Variants in RASL11B observed in about 807,000 individuals in gnomAD.
RASL11B encodes RAS like family 11 member B.
A neutral mutation model predicts 22.9 loss-of-function variants in RASL11B; 14 were observed. That is an observed-to-expected ratio of 0.61 (90% confidence interval 0.40 to 0.96). The LOEUF (loss-of-function observed/expected upper bound fraction) is 0.96, where lower values mean the gene tolerates loss of function less well. RASL11B is among the 40% of genes least tolerant of loss of function. RASL11B has a pLI of 0.00. For missense variants in RASL11B, 261 were observed against 322.0 expected (o/e 0.81, Z 1.45); for synonymous variants, 143 against 130.2 (o/e 1.10, Z -0.67).
intron 2 of RASL11B, chr4:52,864,255 C>T (rs867074051): frequency 2.3e-6 from 1 of 439,258 alleles, no homozygotes; most frequent in South Asian, 4.2e-5. Context: ...AATAAGTTTT[C>T]AAAAACTTGC....
At position 52,862,652 on chromosome 4, in the gene RASL11B, G is replaced by A; in HGVS notation, c.142+3G>A. The A allele has an allele frequency of 6.4e-7, 1 of 1,563,304 alleles. No individual in the cohort carries two copies. The highest frequency in any genetic ancestry group is 1.2e-5 in the South Asian group (1 of 84,642). ...CGCCAGCGGCGTGGGCAAGACCGGT[G>A]AGTCGTCGCGCTTAGCCCTGGGTCT... On this transcript the variant is annotated splice_donor_region_variant and intron_variant, in intron 1 of 3. Coordinates refer to ENST00000248706, the MANE Select transcript of RASL11B (RefSeq NM_023940.3).
rs373982537 is a variant in RASL11B at position 52,865,361 on chromosome 4, T to C, written c.303T>C (p.Ser101=). The change falls in exon 4 of 4, where the codon AGT becomes AGC. Residue 101 remains serine (S), a synonymous_variant. Transcript: ENST00000248706. ...IQVHENSLSC[S]EQLNRCIRWA... is the part of the protein sequence containing the mutation. ...TCCATGAGAACAGCCTGAGCTGCAG[T>C]GAACAGCTGAATAGGTGCATTCGCT... 137 of 1,612,218 alleles carry C rather than the reference T, an allele frequency of 8.5e-5. No individual in the cohort carries two copies. Among genetic ancestry groups the C allele is most frequent in the Non-Finnish European group, 1.1e-4 (133 of 1,178,552 alleles).
In RASL11B at chr4:52,865,907, A is replaced by G; in HGVS notation, c.*102A>G. 2 of 876,882 alleles carry G rather than the reference A, an allele frequency of 2.3e-6. No individual in the cohort carries two copies. Among genetic ancestry groups the G allele is most frequent in the South Asian group, 1.7e-5 (1 of 58,792 alleles). 54.3% of individuals were successfully genotyped at this position (876,882 alleles called of 1,614,324 possible). A position where few individuals can be genotyped will look rare whatever the true frequency, so the allele number is the denominator to read the frequency against. On this transcript the variant is annotated 3_prime_UTR_variant, in exon 4 of 4. Transcript: ENST00000248706. The stretch of plus-strand genomic sequence containing the variant: ...TATTGGCAATGATTCCTGGTTCCAG[A>G]AAGGGCTGGAGCAGAAGGGCCAAGA...
intron 2 of RASL11B, 33 bp from the exon 3 acceptor site, chr4:52,864,445 G>GA (rs777359869): frequency 7.5e-7 from 1 of 1,335,596 alleles, no homozygotes; most frequent in African/African-American, 1.4e-5. Context: ...GTACAAGAAG[G>GA]AAGAACATAA....
rs1435829436 is a variant in RASL11B at position 52,865,962 on chromosome 4, GTGT to G, written c.*162_*164del. 9 of 626,312 alleles carry G rather than the reference GTGT, an allele frequency of 1.4e-5. No homozygotes were observed. Among genetic ancestry groups the G allele is most frequent in the Non-Finnish European group, 1.9e-5 (7 of 360,262 alleles). 38.8% of individuals were successfully genotyped at this position (626,312 alleles called of 1,614,324 possible). ...CTGTGGAACTGCTACAGAAAAGGAA[GTGT>G]TGTTCTGAGCAGGGGGACAGGATTG... is the stretch of plus-strand genomic sequence containing the variant. On this transcript the variant is annotated 3_prime_UTR_variant, in exon 4 of 4. Coordinates refer to ENST00000248706, the MANE Select transcript of RASL11B (RefSeq NM_023940.3).
Position 52,866,209 on chromosome 4 carries a change from TTTTTC to T in RASL11B, c.*409_*413del, listed in dbSNP as rs1192565356. On this transcript the variant is annotated 3_prime_UTR_variant, in exon 4 of 4. Coordinates refer to ENST00000248706, the MANE Select transcript of RASL11B (RefSeq NM_023940.3). ...TTGATAGGCTTTCTTTTTTCCCCCT[TTTTTC>T]TTTTTTCTCTTTTCTTCTTTCTTTT... 1 of 169,662 alleles carries T rather than the reference TTTTTC, an allele frequency of 5.9e-6. No individual in the cohort carries two copies. Among genetic ancestry groups the T allele is most frequent in the African/African-American group, 2.4e-5 (1 of 41,870 alleles). 10.5% of individuals were successfully genotyped at this position (169,662 alleles called of 1,614,324 possible).
rs941281650 is a variant in RASL11B, at chr4:52,862,427, G to A, written c.-81G>A. 6.1e-6 allele frequency: 9 copies of A among 1,469,108 alleles called. No individual in the cohort carries two copies. The South Asian group carries it at 7.7e-5, about 13-fold the overall frequency. 91.0% of individuals were successfully genotyped at this position (1,469,108 alleles called of 1,614,324 possible). A position where few individuals can be genotyped will look rare whatever the true frequency, so the allele number is the denominator to read the frequency against. ...TCTTACCGCGGAGCCCCGCAGTCGG[G>A]TCCTCCCGCCCGCTCCCGCGCAGCG... On this transcript the variant is annotated 5_prime_UTR_variant, in exon 1 of 4. Transcript: ENST00000248706.
In RASL11B at chr4:52,862,332, C is replaced by T. The variant is rs1018056760; in HGVS notation, c.-176C>T. 6.4e-6 allele frequency: 4 copies of T among 622,254 alleles called. No individual in the cohort carries two copies. The highest frequency in any genetic ancestry group is 2.0e-5 in the African/African-American group (1 of 51,050). The allele number at this position is 622,254 out of a possible 1,614,324, so 38.5% of individuals were successfully genotyped here. A position where few individuals can be genotyped will look rare whatever the true frequency, so the allele number is the denominator to read the frequency against. On this transcript the variant is annotated 5_prime_UTR_variant, in exon 1 of 4. Coordinates refer to ENST00000248706, the MANE Select transcript of RASL11B (RefSeq NM_023940.3). Reference sequence around the variant, plus strand: ...GCGCGAGTGCAGTCTGGGTCTGGAGCCTGAGCCCTGCGGAACCTCGGCGCT... The same window carrying T: ...GCGCGAGTGCAGTCTGGGTCTGGAGTCTGAGCCCTGCGGAACCTCGGCGCT...
At chr4:52,865,233 TG>T in intron 3 of RASL11B, 101 bp from the exon 4 acceptor site, 1 of 868,784 alleles carries the variant, frequency 1.2e-6, no homozygotes. Context: ...GCCCTCAACC[TG>T]GCACTACTAT....
In RASL11B at chr4:52,865,736, C is replaced by A. The variant is rs553131197; in HGVS notation, c.678C>A (p.Asn226Lys). ...TCATTCCCAGGCCCAAGTCACCCAACATGCAGGACCTGAAGAGGAGGTTTA... is the reference window on the plus strand; with the variant it reads ...TCATTCCCAGGCCCAAGTCACCCAAAATGCAGGACCTGAAGAGGAGGTTTA... Reference protein sequence around the residue: ...TSLIPRPKSPNMQDLKRRFKQ... With the variant: ...TSLIPRPKSPKMQDLKRRFKQ... Residue 226 changes from asparagine to lysine, a missense_variant, in exon 4 of 4, where the codon AAC becomes AAA. Physicochemically the swap from Asn to Lys is moderately conservative, Grantham distance 94. Transcript: ENST00000248706. 6.2e-7 allele frequency: 1 copy of A among 1,613,940 alleles called. No individual in the cohort carries two copies. The highest frequency in any genetic ancestry group is 1.3e-5 in the African/African-American group (1 of 74,916).
rs1305256266 is a variant in RASL11B at position 52,862,467 on chromosome 4, T to C, written c.-41T>C. The C allele has an allele frequency of 6.3e-7, 1 of 1,582,686 alleles. No individual in the cohort carries two copies. The highest frequency in any genetic ancestry group is 1.1e-5 in the South Asian group (1 of 88,278). On this transcript the variant is annotated 5_prime_UTR_variant, in exon 1 of 4. Coordinates refer to ENST00000248706, the MANE Select transcript of RASL11B (RefSeq NM_023940.3). Reference sequence around the variant, plus strand: ...CCCGCGCAGCGCTAGCATTCTCCAGTCCCTCAGTCCCTTCCCGCGCGGTGC... The same window carrying C: ...CCCGCGCAGCGCTAGCATTCTCCAGCCCCTCAGTCCCTTCCCGCGCGGTGC...
chr4:52,863,407 C>A, intron 2 of RASL11B, 83 bp downstream of exon 2: 1 of 1,156,180 alleles, frequency 8.6e-7, no homozygotes, highest in Non-Finnish European at 1.3e-6. Flanking sequence ...CAGGGAGGTT[C>A]TTTCAGTGAC....
Position 52,865,519 on chromosome 4 carries a change from C to T in RASL11B, c.461C>T (p.Ala154Val), listed in dbSNP as rs1217222939. 3.1e-6 allele frequency: 5 copies of T among 1,614,114 alleles called. No individual in the cohort carries two copies. The highest frequency in any genetic ancestry group is 3.4e-6 in the Non-Finnish European group (4 of 1,180,050). ...CCTGTGGTGGTCGTGGCCAACAAAGCTGACCTGTTGCACATCAAACAGGTT... is the reference window on the plus strand; with the variant it reads ...CCTGTGGTGGTCGTGGCCAACAAAGTTGACCTGTTGCACATCAAACAGGTT... ...RLPVVVVANKADLLHIKQVDP... is the reference protein window; with the variant it reads ...RLPVVVVANKVDLLHIKQVDP... The change falls in exon 4 of 4, where the codon GCT becomes GTT. Residue 154 changes from alanine to valine, a missense_variant. By Grantham distance (64) the Ala-to-Val change is moderately conservative. Coordinates refer to ENST00000248706, the MANE Select transcript of RASL11B (RefSeq NM_023940.3).
At position 52,865,526 on chromosome 4, in the gene RASL11B, G is replaced by A. The variant is rs748794721; in HGVS notation, c.468G>A (p.Leu156=). The change falls in exon 4 of 4, where the codon CTG becomes CTA. Residue 156 remains leucine (L), a synonymous_variant. Transcript: ENST00000248706. Reference sequence around the variant, plus strand: ...TGGTCGTGGCCAACAAAGCTGACCTGTTGCACATCAAACAGGTTGACCCTC... The same window carrying A: ...TGGTCGTGGCCAACAAAGCTGACCTATTGCACATCAAACAGGTTGACCCTC... The part of the protein sequence containing the change: ...PVVVVANKAD[L]LHIKQVDPQL... 9.3e-6 allele frequency: 15 copies of A among 1,614,230 alleles called. No homozygotes were observed. In the East Asian group the frequency reaches 3.3e-4, roughly 36 times the overall value.
At chr4:52,863,555 C>G (rs1426116647) in intron 2 of RASL11B, 1 of 567,994 alleles carries the variant, frequency 1.8e-6, no homozygotes, top group East Asian at 3.0e-5. Context: ...TGAAAGTATT[C>G]CCCTTGGTAT....
At chr4:52,862,765 G>A in intron 1 of RASL11B, 116 bp downstream of exon 1, 1 of 1,220,460 alleles carries the variant, frequency 8.2e-7, no homozygotes, top group East Asian at 2.8e-5. Context: ...CCGTCCCCGC[G>A]CAGGGAGCCG....
In RASL11B at chr4:52,865,396, C is replaced by T; in HGVS notation, c.338C>T (p.Ala113Val). Residue 113 changes from alanine (A) to valine (V), a missense_variant, in exon 4 of 4, where the codon GCT becomes GTT. Physicochemically the swap from Ala to Val is moderately conservative, Grantham distance 64 (BLOSUM62 0). Coordinates refer to ENST00000248706, the MANE Select transcript of RASL11B (RefSeq NM_023940.3). The stretch of plus-strand genomic sequence containing the variant: ...AATAGGTGCATTCGCTGGGCAGATG[C>T]TGTGGTGATCGTTTTCTCCATCACT... ...QLNRCIRWADAVVIVFSITDY... is the reference protein window; with the variant it reads ...QLNRCIRWADVVVIVFSITDY... The T allele has an allele frequency of 3.7e-6, 6 of 1,614,172 alleles. No homozygotes were observed. Among genetic ancestry groups the T allele is most frequent in the Non-Finnish European group, 5.1e-6 (6 of 1,180,026 alleles).
rs781033902 is a variant in RASL11B at position 52,862,670 on chromosome 4, C to CT, written c.142+22dup. 27 of 1,545,144 alleles carry CT rather than the reference C, an allele frequency of 1.7e-5. No homozygotes were observed. The East Asian group carries it at 6.1e-4, about 35-fold the overall frequency. On this transcript the variant is annotated intron_variant, in intron 1 of 3. Transcript: ENST00000248706. ...GACCGGTGAGTCGTCGCGCTTAGCC[C>CT]TGGGTCTGGTCTTGGACGACCCCTG...
In RASL11B at chr4:52,866,595, G is replaced by C. The variant is rs545214452; in HGVS notation, c.*790G>C. 61 of 152,714 alleles carry C rather than the reference G, an allele frequency of 4.0e-4. 1 individual carries two copies. Among genetic ancestry groups the C allele is most frequent in the Admixed American group, 3.3e-3 (51 of 15,300 alleles). The allele number at this position is 152,714 out of a possible 1,614,324, so 9.5% of individuals were successfully genotyped here. On this transcript the variant is annotated 3_prime_UTR_variant, in exon 4 of 4. Coordinates refer to ENST00000248706, the MANE Select transcript of RASL11B (RefSeq NM_023940.3). ...TTAACTGTTCCATCAGGAAAAAAATGTGTCAGTTGATTTTGGTGTGACTTG... is the reference window on the plus strand; with the variant it reads ...TTAACTGTTCCATCAGGAAAAAAATCTGTCAGTTGATTTTGGTGTGACTTG...
Sources: allele counts gnomAD v4.1 joint callset, GRCh38; gene constraint gnomAD v4.1.1; transcripts MANE v1.5; gene names NCBI Gene and HGNC (gene_info 2026-07-23, HGNC 2026-07-21).